Variants in MSI2 observed in about 807,000 individuals in gnomAD.
MSI2 encodes the protein musashi RNA binding protein 2.
MSI2 carries 17 observed loss-of-function variants against 45.6 expected under a neutral mutation model. The observed-to-expected ratio is 0.37, with a 90% confidence interval of 0.26 to 0.56. The LOEUF (loss-of-function observed/expected upper bound fraction) is 0.56, where lower values mean the gene tolerates loss of function less well. Among genes scored for constraint, MSI2 ranks in the 20% least tolerant of loss-of-function variants. The pLI, the probability that MSI2 is intolerant of heterozygous loss-of-function variation, is 0.77. For synonymous variants in MSI2, 156 were observed against 158.2 expected, an observed-to-expected ratio of 0.99 and a Z score of 0.11; for missense variants, 293 against 444.2, an observed-to-expected ratio of 0.66 and a Z score of 3.06.
At chr17:57,499,236 T>G (rs538529004) in intron 6 of MSI2, among the ~76,000 whole-genome samples, 10 of 151,472 alleles carry the variant, frequency 6.6e-5, no homozygotes, top group African/African-American at 2.4e-4. Context: ...ATTAGCCAGG[T>G]GTGGTGGTGC....
intron 6 of MSI2, 43 bp downstream of exon 6, chr17:57,401,514 C>A (rs775186503): frequency 6.6e-7 from 1 of 1,509,786 alleles, no homozygotes; most frequent in East Asian, 2.3e-5. Flanking sequence ...CAGAAGTAGC[C>A]TCATCAGTCC....
intron 6 of MSI2, among the ~76,000 whole-genome samples, chr17:57,411,306 C>T (rs7207545): frequency 0.54 from 82,770 of 152,180 alleles, 23,625 homozygotes; most frequent in South Asian, 0.73. Context: ...CACACTCAGC[C>T]GATTTTTATT....
rs201058994 is a variant in MSI2 at position 57,657,932 on chromosome 17, T to TG, written c.790+5773dup. ...TCTAGCCTTCAGTGGCCTGAGACTC[T>TG]GGTCCTGTCCTCTGAAAGTCCGTGT... is the stretch of plus-strand genomic sequence containing the variant. On this transcript the variant is annotated intron_variant, in intron 11 of 13. Transcript: ENST00000284073. 6.4e-3 allele frequency among the ~76,000 whole-genome samples: 973 copies of TG among 152,380 alleles called. 9 individuals are homozygous for TG. Among genetic ancestry groups the TG allele is most frequent in the African/African-American group, 0.023 (938 of 41,590 alleles).
intron 6 of MSI2, among the ~76,000 whole-genome samples, chr17:57,457,659 C>T (rs1452243460): frequency 6.6e-6 from 1 of 152,114 alleles, no homozygotes; most frequent in Non-Finnish European, 1.5e-5. Flanking sequence ...GCTGGGGAGG[C>T]TGAGGCAGGA....
chr17:57,584,052 G>A (rs896152697), intron 7 of MSI2, among the ~76,000 whole-genome samples: 1 of 152,186 alleles, frequency 6.6e-6, no homozygotes, highest in Non-Finnish European at 1.5e-5. Flanking sequence ...CCAGCTCCCT[G>A]GTGGTGTGGA....
In MSI2 at chr17:57,399,989, C is replaced by T. The variant is rs563074988; in HGVS notation, c.313-1390C>T. Among the ~76,000 whole-genome samples the T allele has an allele frequency of 3.3e-5, 5 of 152,300 alleles. No homozygotes were observed. In the East Asian group the frequency reaches 7.7e-4, roughly 24 times the overall value. On this transcript the variant is annotated intron_variant, in intron 5 of 13. Transcript: ENST00000284073. ...GCCGGGAGCCTCTGTGATGACTGAC[C>T]CGGGCAGCCATGGCTCCTATGCTTC...
At chr17:57,293,597 T>TTTG (rs1287401733) in intron 5 of MSI2, among the ~76,000 whole-genome samples, 1 of 129,244 alleles carries the variant, frequency 7.7e-6, no homozygotes, top group Non-Finnish European at 1.6e-5. Flanking sequence ...GTTTTTTTGT[T>TTTG]TTTTTTTTTG....
chr17:57,443,908 G>A (rs2084847908), intron 6 of MSI2, among the ~76,000 whole-genome samples: 1 of 152,154 alleles, frequency 6.6e-6, no homozygotes, highest in Admixed American at 6.5e-5. Context: ...ACCAAAAACT[G>A]GGCAGATGCC....
intron 6 of MSI2, among the ~76,000 whole-genome samples, chr17:57,459,732 G>A (rs187341029): frequency 5.5e-4 from 84 of 152,214 alleles, no homozygotes; most frequent in African/African-American, 1.9e-3. Flanking sequence ...GGTGACTCAC[G>A]CCTCTAATCC....
At chr17:57,659,081 TTTG>T (rs762024005) in intron 11 of MSI2, among the ~76,000 whole-genome samples, 43 of 151,672 alleles carry the variant, frequency 2.8e-4, no homozygotes, top group South Asian at 6.3e-4. Flanking sequence ...GGTTGGTTGG[TTTG>T]TTGTTGTTGT....
At chr17:57,256,503 G>T, upstream of MSI2, 1 of 298,156 alleles carries the variant, frequency 3.4e-6, no homozygotes, top group East Asian at 5.1e-5. Flanking sequence ...GATGGGCCGG[G>T]GGGGCGGGGA....
chr17:57,532,612 G>A (rs960453557), intron 7 of MSI2, among the ~76,000 whole-genome samples: 1 of 152,248 alleles, frequency 6.6e-6, no homozygotes, highest in Non-Finnish European at 1.5e-5. Flanking sequence ...TCTGTGGCCT[G>A]ATGGAGTGCA....
chr17:57,559,220 A>G (rs2087515084), intron 7 of MSI2, among the ~76,000 whole-genome samples: 1 of 152,224 alleles, frequency 6.6e-6, no homozygotes, highest in African/African-American at 2.4e-5. Context: ...CCAACCTGAG[A>G]GGGAGAGTTT....
intron 7 of MSI2, among the ~76,000 whole-genome samples, chr17:57,534,788 C>G (rs182818666): frequency 1.3e-5 from 2 of 152,204 alleles, no homozygotes; most frequent in Non-Finnish European, 2.9e-5. Context: ...GCCTTCCATA[C>G]GATGATTTGT....
intron 6 of MSI2, among the ~76,000 whole-genome samples, chr17:57,462,066 A>G (rs142387674): frequency 1.5e-4 from 23 of 152,308 alleles, no homozygotes; most frequent in Non-Finnish European, 2.9e-4. Flanking sequence ...GAGGGCTCTG[A>G]GGGACAGTCT....
chr17:57,391,906 G>A (rs751557205), intron 5 of MSI2, among the ~76,000 whole-genome samples: 1 of 152,196 alleles, frequency 6.6e-6, no homozygotes, highest in African/African-American at 2.4e-5. Flanking sequence ...GGTTTTAATT[G>A]CATCAGTGTA....
intron 6 of MSI2, among the ~76,000 whole-genome samples, chr17:57,476,380 GGT>G (rs2085538193): frequency 2.6e-5 from 4 of 152,224 alleles, no homozygotes; most frequent in Admixed American, 6.5e-5. Flanking sequence ...CCCTCACATA[GGT>G]GGGAGCCTTC....
At chr17:57,643,870 G>A (rs1910438197) in intron 10 of MSI2, among the ~76,000 whole-genome samples, 2 of 152,214 alleles carry the variant, frequency 1.3e-5, no homozygotes, top group Admixed American at 1.3e-4. Context: ...TTGACTGCAG[G>A]ACCTCTCTCC....
intron 6 of MSI2, chr17:57,522,399 A>C (rs928515436): frequency 6.6e-6 from 1 of 152,184 alleles, no homozygotes; most frequent in Non-Finnish European, 1.5e-5. Context: ...AGATAATTTA[A>C]GGATCATCTG....
Sources: gnomAD v4.1 joint callset for allele counts (sites outside exome capture counted in the v4.1 genomes callset) on GRCh38, gnomAD v4.1.1 for gene constraint, MANE v1.5 for transcripts, NCBI Gene and HGNC (gene_info 2026-07-23, HGNC 2026-07-21) for gene names.